The following GRM7 variants were observed in gnomAD, a reference collection of about 807,000 sequenced individuals.
GRM7 encodes the protein metabotropic glutamate receptor 7.
In GRM7, 35 loss-of-function variants were observed where a neutral mutation model predicts 84.5. The ratio of observed to expected loss-of-function variants is 0.41; its 90% CI spans 0.32 to 0.55. The LOEUF (loss-of-function observed/expected upper bound fraction) is 0.55. Among genes scored for constraint, GRM7 ranks in the 20% least tolerant of loss-of-function variants. The pLI, the probability that GRM7 is intolerant of heterozygous loss-of-function variation, is 0.19. For missense variants in GRM7, 1,003 were observed against 1,194.6 expected, an observed-to-expected ratio of 0.84 and a Z score of 2.36; for synonymous variants, 487 against 455.1, an observed-to-expected ratio of 1.07 and a Z score of -0.89.
At chr3:7,657,720 G>A (rs964024041) in intron 8 of GRM7, among the ~76,000 whole-genome samples, 1 of 152,170 alleles carries the variant, frequency 6.6e-6, no homozygotes, top group Non-Finnish European at 1.5e-5. Flanking sequence ...TGGTGGCTGG[G>A]AGGGGAGCAG....
chr3:7,340,836 G>T (rs555540191), intron 4 of GRM7, among the ~76,000 whole-genome samples: 12 of 152,254 alleles, frequency 7.9e-5, no homozygotes, highest in African/African-American at 2.4e-4. Context: ...ACAAAAGCCA[G>T]CTTGAATTAT....
intron 4 of GRM7, among the ~76,000 whole-genome samples, chr3:7,409,852 A>G (rs571691073): frequency 3.3e-5 from 5 of 152,244 alleles, no homozygotes; most frequent in East Asian, 3.9e-4. Context: ...TGCCCACCTC[A>G]GCCTCCCAAA....
intron 4 of GRM7, among the ~76,000 whole-genome samples, chr3:7,379,734 G>C (rs1472221835): frequency 6.6e-6 from 1 of 151,978 alleles, no homozygotes; most frequent in Admixed American, 6.6e-5. Context: ...AACCACTTTT[G>C]GGAACATGTT....
intron 1 of GRM7, among the ~76,000 whole-genome samples, chr3:6,967,743 TC>T (rs1227478606): frequency 1.1e-4 from 17 of 152,132 alleles, no homozygotes; most frequent in African/African-American, 4.1e-4. Flanking sequence ...ATGCTGAACC[TC>T]AGTGCTTTAT....
chr3:7,035,622 G>C (rs1050686455), intron 1 of GRM7, among the ~76,000 whole-genome samples: 1 of 152,206 alleles, frequency 6.6e-6, no homozygotes, highest in African/African-American at 2.4e-5. Flanking sequence ...CTATAGACAA[G>C]TGAAAATGGG....
chr3:7,655,012 A>G (rs1451957204), intron 8 of GRM7, among the ~76,000 whole-genome samples: 2 of 152,100 alleles, frequency 1.3e-5, no homozygotes, highest in African/African-American at 4.8e-5. Context: ...GGTGTCCTCA[A>G]TTGTCCGTGG....
chr3:7,658,284 T>G (rs1254930129), intron 8 of GRM7, among the ~76,000 whole-genome samples: 1 of 152,178 alleles, frequency 6.6e-6, no homozygotes. Context: ...TCCAAATAAA[T>G]GCTCACTGTA....
intron 2 of GRM7, among the ~76,000 whole-genome samples, chr3:7,204,134 G>A (rs1559500699): frequency 6.6e-6 from 1 of 152,200 alleles, no homozygotes; most frequent in Non-Finnish European, 1.5e-5. Context: ...GTGGACCGAG[G>A]TCAGATCTGT....
intron 1 of GRM7, among the ~76,000 whole-genome samples, chr3:7,075,183 T>C (rs542865519): frequency 1.3e-3 from 201 of 152,296 alleles, no homozygotes; most frequent in African/African-American, 4.6e-3. Context: ...TACAGTAGTT[T>C]ACAGTGAAAA....
rs372075812 is a variant in GRM7, at chr3:7,359,333, C to CTTTTTTTTTTTT, written c.1033+52690_1033+52701dup. On this transcript the variant is annotated intron_variant, in intron 4 of 9. Coordinates refer to ENST00000357716, the MANE Select transcript of GRM7 (RefSeq NM_000844.4). Reference sequence around the variant, plus strand: ...CTGAATCCTATTCACCCCTCCTCCTCTTTTTTTTTTTTTTTTTTTTGAGAC... The same window carrying CTTTTTTTTTTTT: ...CTGAATCCTATTCACCCCTCCTCCTCTTTTTTTTTTTTTTTTTTTTTTTTTTTTTTTTGAGAC... Among the ~76,000 whole-genome samples, 2 of 98,526 alleles carry CTTTTTTTTTTTT rather than the reference C, an allele frequency of 2.0e-5. 1 individual carries two copies. The highest frequency in any genetic ancestry group is 8.9e-5 in the African/African-American group (2 of 22,364). The allele number at this position is 98,526 out of a possible 152,430, so 64.6% of individuals were successfully genotyped here. A position where few individuals can be genotyped will look rare whatever the true frequency, so the allele number is the denominator to read the frequency against.
intron 9 of GRM7, among the ~76,000 whole-genome samples, chr3:7,704,741 A>G (rs933708640): frequency 6.6e-6 from 1 of 152,142 alleles, no homozygotes; most frequent in Non-Finnish European, 1.5e-5. Context: ...GACCTGCCAG[A>G]ATGCCCATCC....
chr3:7,686,653 T>C (rs1700597483), intron 9 of GRM7, among the ~76,000 whole-genome samples: 1 of 152,226 alleles, frequency 6.6e-6, no homozygotes. Context: ...AACACGTTTA[T>C]GAGTATATAC....
At chr3:7,128,014 G>A (rs962375442) in intron 1 of GRM7, among the ~76,000 whole-genome samples, 1 of 151,890 alleles carries the variant, frequency 6.6e-6, no homozygotes, top group African/African-American at 2.4e-5. Context: ...TATAATTTTA[G>A]AGAGATAAAG....
chr3:7,472,264 TACTC>T (rs1161784694), intron 7 of GRM7, among the ~76,000 whole-genome samples: 1 of 152,192 alleles, frequency 6.6e-6, no homozygotes, highest in Non-Finnish European at 1.5e-5. Flanking sequence ...ATTTATAAAT[TACTC>T]AGCCTCAGAT....
At chr3:7,283,526 G>A (rs1436385800) in intron 2 of GRM7, among the ~76,000 whole-genome samples, 1 of 152,030 alleles carries the variant, frequency 6.6e-6, no homozygotes, top group Non-Finnish European at 1.5e-5. Context: ...GACTGCTTTT[G>A]AAATAGACAC....
At chr3:7,393,090 G>A (rs1336407612) in intron 4 of GRM7, among the ~76,000 whole-genome samples, 1 of 152,102 alleles carries the variant, frequency 6.6e-6, no homozygotes, top group Admixed American at 6.5e-5. Context: ...GTGGGGTGGG[G>A]AGTGAGGTCC....
chr3:7,454,746 C>T (rs1219047291), intron 6 of GRM7, among the ~76,000 whole-genome samples: 1 of 151,712 alleles, frequency 6.6e-6, no homozygotes, highest in Non-Finnish European at 1.5e-5. Context: ...TAGAATGAAC[C>T]CTGTTGTGTT....
At chr3:6,955,342 C>A (rs1692990350) in intron 1 of GRM7, among the ~76,000 whole-genome samples, 1 of 151,954 alleles carries the variant, frequency 6.6e-6, no homozygotes, top group South Asian at 2.1e-4. Flanking sequence ...TCCAGACCAG[C>A]CTGGTCCAAC....
intron 1 of GRM7, among the ~76,000 whole-genome samples, chr3:7,006,626 G>T (rs994095668): frequency 1.3e-5 from 2 of 152,082 alleles, no homozygotes; most frequent in African/African-American, 4.8e-5. Flanking sequence ...GTGTAATTTT[G>T]CAGTAGTAGT....
Sources: gnomAD v4.1 joint callset for allele counts (sites outside exome capture counted in the v4.1 genomes callset) on GRCh38, gnomAD v4.1.1 for gene constraint, MANE v1.5 for transcripts, NCBI Gene and HGNC (gene_info 2026-07-23, HGNC 2026-07-21) for gene names.